The following NCAM1 variants were observed in gnomAD, a reference collection of about 807,000 sequenced individuals.
NCAM1 encodes the protein neural cell adhesion molecule 1, also known as antigen recognized by monoclonal antibody 5.1H11.
NCAM1 carries 14 observed loss-of-function variants against 109.8 expected under a neutral mutation model. The observed-to-expected ratio is 0.13, with a 90% confidence interval of 0.08 to 0.20. The LOEUF (loss-of-function observed/expected upper bound fraction) is 0.20. Among genes scored for constraint, NCAM1 ranks in the 10% least tolerant of loss-of-function variants. The pLI, the probability that NCAM1 is intolerant of heterozygous loss-of-function variation, is 1.00. For missense variants in NCAM1, 774 were observed against 1,109.9 expected (o/e 0.70, Z 4.30); for synonymous variants, 418 against 442.9 (o/e 0.94, Z 0.70).
At chr11:113,237,873 G>A (rs184106134) in intron 14 of NCAM1, among the ~76,000 whole-genome samples, 1 of 57,636 alleles carries the variant, frequency 1.7e-5, no homozygotes, top group Non-Finnish European at 4.0e-5. Flanking sequence ...TAGATATATA[G>A]ATATATATAG....
At chr11:113,218,643 G>A (rs1944598045) in intron 8 of NCAM1, among the ~76,000 whole-genome samples, 1 of 152,194 alleles carries the variant, frequency 6.6e-6, no homozygotes, top group African/African-American at 2.4e-5. Context: ...TCTCTGTATT[G>A]AGTCTAGTTA....
At chr11:112,975,716 T>C (rs1415691467) in intron 1 of NCAM1, among the ~76,000 whole-genome samples, 1 of 151,918 alleles carries the variant, frequency 6.6e-6, no homozygotes, top group Non-Finnish European at 1.5e-5. Context: ...AGGTTACCAT[T>C]TGAGGTCATT....
intron 9 of NCAM1, among the ~76,000 whole-genome samples, chr11:113,225,537 A>G (rs1044442476): frequency 6.6e-6 from 1 of 152,260 alleles, no homozygotes; most frequent in African/African-American, 2.4e-5. Context: ...AACTTCCCCA[A>G]TCCAGCAAGG....
intron 8 of NCAM1, among the ~76,000 whole-genome samples, chr11:113,218,757 G>A (rs539844027): frequency 2.6e-5 from 4 of 152,252 alleles, no homozygotes; most frequent in East Asian, 1.9e-4. Flanking sequence ...TTGGATCATC[G>A]AGATCATTAA....
At chr11:113,193,369 A>G (rs1237532498) in intron 1 of NCAM1, among the ~76,000 whole-genome samples, 2 of 152,308 alleles carry the variant, frequency 1.3e-5, no homozygotes, top group African/African-American at 4.8e-5. Flanking sequence ...CTCCAGGCAC[A>G]GTGGCTTATG....
intron 17 of NCAM1, chr11:113,269,887 G>T (rs782361519): frequency 6.6e-6 from 3 of 451,178 alleles, no homozygotes; most frequent in South Asian, 2.5e-5. Context: ...CTCATTATCC[G>T]GTGTTCTCAG....
chr11:113,248,451 A>G (rs1212789625), intron 15 of NCAM1, among the ~76,000 whole-genome samples: 1 of 152,088 alleles, frequency 6.6e-6, no homozygotes, highest in Non-Finnish European at 1.5e-5. Flanking sequence ...CATGGAGGAG[A>G]GCAACAAAGC....
At chr11:113,009,796 C>T (rs1591242597) in intron 1 of NCAM1, among the ~76,000 whole-genome samples, 1 of 151,984 alleles carries the variant, frequency 6.6e-6, no homozygotes, top group East Asian at 1.9e-4. Context: ...TTGGAAGACC[C>T]TGTTATTCAT....
chr11:113,171,566 G>A (rs924899915), intron 1 of NCAM1, among the ~76,000 whole-genome samples: 12 of 152,018 alleles, frequency 7.9e-5, no homozygotes, highest in Non-Finnish European at 7.4e-5. Flanking sequence ...CCTGGGAGGC[G>A]GAGGTTGTGG....
At chr11:113,115,950 G>T (rs1555094778) in intron 1 of NCAM1, among the ~76,000 whole-genome samples, 1 of 152,126 alleles carries the variant, frequency 6.6e-6, no homozygotes, top group African/African-American at 2.4e-5. Context: ...GAGGAATTAG[G>T]CTACTAACAG....
intron 1 of NCAM1, among the ~76,000 whole-genome samples, chr11:113,010,207 T>C (rs1447616471): frequency 6.6e-6 from 1 of 152,254 alleles, no homozygotes; most frequent in African/African-American, 2.4e-5. Flanking sequence ...GGCTATGATA[T>C]GCTAATTGCA....
At chr11:112,997,854 A>G (rs1951636949) in intron 1 of NCAM1, among the ~76,000 whole-genome samples, 1 of 152,202 alleles carries the variant, frequency 6.6e-6, no homozygotes, top group South Asian at 2.1e-4. Context: ...TTCAAAGAGT[A>G]TAGTTTTGTG....
intron 14 of NCAM1, among the ~76,000 whole-genome samples, chr11:113,236,916 A>G (rs1311319387): frequency 6.6e-6 from 1 of 152,206 alleles, no homozygotes; most frequent in Non-Finnish European, 1.5e-5. Context: ...TTTGGTTCCG[A>G]GCCATGGGCA....
intron 1 of NCAM1, among the ~76,000 whole-genome samples, chr11:113,180,994 T>G (rs1381920250): frequency 1.3e-5 from 2 of 152,220 alleles, no homozygotes; most frequent in African/African-American, 4.8e-5. Flanking sequence ...AGGACCTCAT[T>G]CATATTGCAG....
Position 113,207,953 on chromosome 11 carries a change from T to C in NCAM1, c.867T>C (p.Ala289=), listed in dbSNP as rs782496268. The C allele has an allele frequency of 6.2e-7, 1 of 1,612,392 alleles. No homozygotes were observed. The highest frequency in any genetic ancestry group is 8.5e-7 in the Non-Finnish European group (1 of 1,179,288). Residue 289 remains alanine (A), a synonymous_variant, in exon 7 of 20, where the codon GCT becomes GCC. Transcript: ENST00000316851. ...KNDEAEYICI[A]ENKAGEQDAT... ...ACGAGGCTGAGTACATCTGCATTGC[T>C]GAGAACAAGGCTGGCGAGCAGGATG...
intron 1 of NCAM1, among the ~76,000 whole-genome samples, chr11:113,199,820 A>G (rs1406332558): frequency 8.9e-6 from 1 of 111,874 alleles, no homozygotes; most frequent in Non-Finnish European, 1.8e-5. Context: ...AAAGTAAAAG[A>G]AACACCCTTA....
chr11:112,999,474 T>G (rs1042124173), intron 1 of NCAM1, among the ~76,000 whole-genome samples: 11 of 152,254 alleles, frequency 7.2e-5, no homozygotes, highest in East Asian at 5.8e-4. Flanking sequence ...TTAAAATATT[T>G]TATTTCTTTT....
chr11:113,125,924 G>A (rs1555096991), intron 1 of NCAM1, among the ~76,000 whole-genome samples: 1 of 152,114 alleles, frequency 6.6e-6, no homozygotes, highest in Non-Finnish European at 1.5e-5. Context: ...GGGAGACTAA[G>A]TTGGGCAGAT....
At chr11:113,015,089 T>C (rs963768688) in intron 1 of NCAM1, among the ~76,000 whole-genome samples, 5 of 152,244 alleles carry the variant, frequency 3.3e-5, no homozygotes, top group Admixed American at 2.6e-4. Flanking sequence ...CTCTGGCTCA[T>C]TGCAGTCCCT....
Sources: allele counts gnomAD v4.1 joint callset (sites outside exome capture counted in the v4.1 genomes callset), GRCh38; gene constraint gnomAD v4.1.1; transcripts MANE v1.5; gene names NCBI Gene and HGNC (gene_info 2026-07-23, HGNC 2026-07-21).